ERC2: variants seen among roughly 807,000 people sequenced by gnomAD.
ERC2 encodes ERC protein 2.
Under a neutral mutation model 114.8 loss-of-function variants are expected in ERC2, and 42 were observed. The ratio of observed to expected loss-of-function variants is 0.37; its 90% CI spans 0.29 to 0.47. The LOEUF (loss-of-function observed/expected upper bound fraction) is 0.47, where lower values mean the gene tolerates loss of function less well. Among genes scored for constraint, ERC2 ranks in the 20% least tolerant of loss-of-function variants. The pLI is 0.99. For synonymous variants in ERC2, 454 were observed against 425.5 expected (o/e 1.07, Z -0.82); for missense variants, 939 against 1,150.7 (o/e 0.82, Z 2.66).
At chr3:56,155,559 A>G (rs1233412439) in intron 4 of ERC2, among the ~76,000 whole-genome samples, 1 of 152,084 alleles carries the variant, frequency 6.6e-6, no homozygotes, top group African/African-American at 2.4e-5. Flanking sequence ...GAAAAAATAT[A>G]ATGCACAAGT....
chr3:55,800,301 G>A (rs1001939877), intron 14 of ERC2, among the ~76,000 whole-genome samples: 1 of 151,956 alleles, frequency 6.6e-6, no homozygotes, highest in African/African-American at 2.4e-5. Flanking sequence ...GTGCTACCAC[G>A]CCCGGCTAAT....
chr3:56,265,575 T>A (rs1317578954), intron 3 of ERC2, among the ~76,000 whole-genome samples: 1 of 152,044 alleles, frequency 6.6e-6, no homozygotes, highest in Non-Finnish European at 1.5e-5. Flanking sequence ...ACCAAAAACA[T>A]AAGCAACAAA....
At chr3:55,553,597 G>A (rs1159873248) in intron 17 of ERC2, among the ~76,000 whole-genome samples, 2 of 151,946 alleles carry the variant, frequency 1.3e-5, no homozygotes, top group African/African-American at 4.8e-5. Flanking sequence ...TGGCTAACAT[G>A]GTGAAACCCT....
intron 3 of ERC2, among the ~76,000 whole-genome samples, chr3:56,262,043 C>A: frequency 6.6e-6 from 1 of 152,200 alleles, no homozygotes; most frequent in East Asian, 1.9e-4. Context: ...AGGACACGAT[C>A]TCATTCTTTT....
At chr3:56,215,503 G>T (rs916278455) in intron 3 of ERC2, among the ~76,000 whole-genome samples, 1 of 152,158 alleles carries the variant, frequency 6.6e-6, no homozygotes, top group Non-Finnish European at 1.5e-5. Context: ...TAAGTCCTTA[G>T]AGACCTACAA....
At chr3:55,516,835 A>G (rs2052546786) in intron 17 of ERC2, among the ~76,000 whole-genome samples, 1 of 152,114 alleles carries the variant, frequency 6.6e-6, no homozygotes, top group South Asian at 2.1e-4. Context: ...ATCTGCCACC[A>G]CCCTCTGTGT....
intron 1 of ERC2, among the ~76,000 whole-genome samples, chr3:56,442,249 T>C (rs370729836): frequency 6.6e-6 from 1 of 151,930 alleles, no homozygotes; most frequent in East Asian, 1.9e-4. Flanking sequence ...AGGCAGAGTA[T>C]CACTATTGTC....
chr3:56,276,195 G>A (rs540979316), intron 3 of ERC2, among the ~76,000 whole-genome samples: 4 of 152,138 alleles, frequency 2.6e-5, no homozygotes, highest in African/African-American at 9.6e-5. Context: ...TACAGACAGG[G>A]GTTCCAGAAA....
In ERC2 at chr3:56,407,925, T is replaced by G. The variant is rs141317813; in HGVS notation, c.657+26426A>C. Among the ~76,000 whole-genome samples, 4 of 152,298 alleles carry G rather than the reference T, an allele frequency of 2.6e-5. No homozygotes were observed. The East Asian group carries it at 7.7e-4, about 29-fold the overall frequency. On this transcript the variant is annotated intron_variant, in intron 2 of 17. Coordinates refer to ENST00000288221, the MANE Select transcript of ERC2 (RefSeq NM_015576.3). ...TGGCCTTGCTAAGTCCTACTCTGTC[T>G]TCATGCTGCAGCTCAAATGTCACCT...
At chr3:56,171,072 T>C (rs1016958478) in intron 4 of ERC2, among the ~76,000 whole-genome samples, 2 of 152,100 alleles carry the variant, frequency 1.3e-5, no homozygotes, top group South Asian at 4.2e-4. Flanking sequence ...CCAAGAAATC[T>C]CTTCTTAATT....
At chr3:55,774,044 C>A (rs1390036392) in intron 14 of ERC2, among the ~76,000 whole-genome samples, 1 of 152,208 alleles carries the variant, frequency 6.6e-6, no homozygotes, top group East Asian at 1.9e-4. Context: ...ATCCTTCTGG[C>A]TGCCCTGCTT....
rs114506369 is a variant in ERC2 at position 55,693,684 on chromosome 3, A to G, written c.2847+5694T>C. Among the ~76,000 whole-genome samples, 837 of 152,168 alleles carry G rather than the reference A, an allele frequency of 5.5e-3. 5 individuals carry two copies. Among genetic ancestry groups the G allele is most frequent in the African/African-American group, 0.019 (793 of 41,540 alleles). ...AATGAAAGCTGGGGCAAATGGAAAGAGAATGGATGAGACTACATATTTTTT... is the reference window on the plus strand; with the variant it reads ...AATGAAAGCTGGGGCAAATGGAAAGGGAATGGATGAGACTACATATTTTTT... On this transcript the variant is annotated intron_variant, in intron 16 of 17. Transcript: ENST00000288221.
chr3:56,460,431 G>A (rs2063259600), intron 1 of ERC2, among the ~76,000 whole-genome samples: 1 of 152,146 alleles, frequency 6.6e-6, no homozygotes. Flanking sequence ...CTAGGCACTA[G>A]GGATACAGCC....
intron 1 of ERC2, among the ~76,000 whole-genome samples, chr3:56,460,119 G>C (rs2063244383): frequency 6.6e-6 from 1 of 152,222 alleles, no homozygotes; most frequent in Non-Finnish European, 1.5e-5. Flanking sequence ...AGTCAGTGAT[G>C]TAGTGGCCTT....
intron 3 of ERC2, among the ~76,000 whole-genome samples, chr3:56,175,600 G>C (rs2082933166): frequency 6.6e-6 from 1 of 152,108 alleles, no homozygotes; most frequent in South Asian, 2.1e-4. Context: ...ACTACCAAAT[G>C]AAGAAGATGT....
At chr3:56,207,845 T>A (rs1413997843) in intron 3 of ERC2, among the ~76,000 whole-genome samples, 1 of 152,176 alleles carries the variant, frequency 6.6e-6, no homozygotes, top group South Asian at 2.1e-4. Context: ...TGGCTAGGCA[T>A]TGAAGTTTGA....
At chr3:56,450,010 C>T (rs932097068) in intron 1 of ERC2, among the ~76,000 whole-genome samples, 1 of 152,240 alleles carries the variant, frequency 6.6e-6, no homozygotes, top group African/African-American at 2.4e-5. Context: ...TGCCTTCCCC[C>T]ATGATCTGCA....
At position 55,932,426 on chromosome 3, in the gene ERC2, T is replaced by C. The variant is rs114614557; in HGVS notation, c.2403+17999A>G. On this transcript the variant is annotated intron_variant, in intron 13 of 17. Transcript: ENST00000288221. ...TAATCTTTATAACAACCCTAAGAGA[T>C]GGATATCATGTTTTCTTAGTAATTC... Among the ~76,000 whole-genome samples, 934 of 152,292 alleles carry C rather than the reference T, an allele frequency of 6.1e-3. 15 individuals are homozygous for C. The highest frequency in any genetic ancestry group is 0.022 in the African/African-American group (896 of 41,554).
At chr3:55,592,490 C>G (rs748071915) in intron 17 of ERC2, among the ~76,000 whole-genome samples, 4 of 152,058 alleles carry the variant, frequency 2.6e-5, no homozygotes, top group Non-Finnish European at 4.4e-5. Context: ...TGGGGAAAGG[C>G]AAAGACCTCA....
Sources: allele counts gnomAD v4.1 joint callset (sites outside exome capture counted in the v4.1 genomes callset), GRCh38; gene constraint gnomAD v4.1.1; transcripts MANE v1.5; gene names NCBI Gene and HGNC (gene_info 2026-07-23, HGNC 2026-07-21).